Variants in CDC42BPA observed in about 807,000 individuals in gnomAD.
CDC42BPA encodes the protein serine/threonine-protein kinase MRCK alpha.
A neutral mutation model predicts 223.5 loss-of-function variants in CDC42BPA; 80 were observed. The ratio of observed to expected loss-of-function variants is 0.36; its 90% CI spans 0.30 to 0.43. The LOEUF (loss-of-function observed/expected upper bound fraction) is 0.43, where lower values mean the gene tolerates loss of function less well. Ranked by LOEUF, CDC42BPA falls within the 20% of genes least tolerant of loss-of-function variation. The pLI is 1.00. For missense variants in CDC42BPA, 1,743 were observed against 2,099.9 expected, an observed-to-expected ratio of 0.83 and a Z score of 3.32; for synonymous variants, 694 against 718.6, an observed-to-expected ratio of 0.97 and a Z score of 0.55.
At chr1:226,997,622 T>A (rs1661906249) in intron 35 of CDC42BPA, among the ~76,000 whole-genome samples, 1 of 152,254 alleles carries the variant, frequency 6.6e-6, no homozygotes, top group Admixed American at 6.5e-5. Context: ...TTGCTTTAGC[T>A]GTGTCTCAAG....
chr1:227,278,682 G>A (rs60268962), intron 1 of CDC42BPA, among the ~76,000 whole-genome samples: 16,212 of 152,064 alleles, frequency 0.11, 921 homozygotes, highest in African/African-American at 0.14. Flanking sequence ...GGGGTCCTAG[G>A]TCATGAGTTC....
intron 1 of CDC42BPA, among the ~76,000 whole-genome samples, chr1:227,281,676 A>G (rs758924081): frequency 6.9e-6 from 1 of 145,982 alleles, no homozygotes; most frequent in Non-Finnish European, 1.5e-5. Flanking sequence ...CCTCCCAACC[A>G]CTAGCCTGAG....
At chr1:227,104,194 G>T (rs1428749446) in intron 14 of CDC42BPA, among the ~76,000 whole-genome samples, 2 of 151,892 alleles carry the variant, frequency 1.3e-5, no homozygotes, top group Non-Finnish European at 2.9e-5. Context: ...AACTTTTTTG[G>T]CCTCTCGTAT....
At chr1:227,150,689 T>C (rs1351148935) in intron 6 of CDC42BPA, among the ~76,000 whole-genome samples, 1 of 151,920 alleles carries the variant, frequency 6.6e-6, no homozygotes, top group Non-Finnish European at 1.5e-5. Flanking sequence ...GGTGGTTAAT[T>C]GGATAACATA....
intron 3 of CDC42BPA, among the ~76,000 whole-genome samples, chr1:227,207,377 T>A (rs1358380770): frequency 4.7e-5 from 7 of 149,746 alleles, no homozygotes; most frequent in Admixed American, 4.0e-4. Flanking sequence ...CTTTTTTTTT[T>A]ATTATACTTT....
chr1:227,106,981 G>C (rs2149353330), intron 14 of CDC42BPA, among the ~76,000 whole-genome samples: 1 of 152,108 alleles, frequency 6.6e-6, no homozygotes, highest in East Asian at 1.9e-4. Flanking sequence ...AGTAAGTTCT[G>C]AAGTATGACT....
At chr1:227,272,566 A>T (rs1686135264) in intron 1 of CDC42BPA, among the ~76,000 whole-genome samples, 1 of 152,134 alleles carries the variant, frequency 6.6e-6, no homozygotes, top group African/African-American at 2.4e-5. Flanking sequence ...GAACACTATA[A>T]TAGAAAATTG....
At chr1:227,314,775 TA>T (rs1310211301) in intron 1 of CDC42BPA, among the ~76,000 whole-genome samples, 1 of 122,510 alleles carries the variant, frequency 8.2e-6, no homozygotes, top group African/African-American at 3.4e-5. Flanking sequence ...TAAAAGACAA[TA>T]TTTTTTCAAT....
intron 2 of CDC42BPA, among the ~76,000 whole-genome samples, chr1:227,237,836 T>C (rs71648421): frequency 6.6e-6 from 1 of 151,586 alleles, no homozygotes; most frequent in Non-Finnish European, 1.5e-5. Flanking sequence ...AGGTCGGAGT[T>C]AGAGACCAGC....
intron 10 of CDC42BPA, 76 bp from the exon 11 acceptor site, chr1:227,129,307 G>T: frequency 1.9e-6 from 2 of 1,065,436 alleles, no homozygotes; most frequent in Non-Finnish European, 2.7e-6. Context: ...TTATTTTTTT[G>T]GAGAGAAATT....
chr1:227,118,615 T>C (rs1390650735), intron 12 of CDC42BPA, among the ~76,000 whole-genome samples: 1 of 152,076 alleles, frequency 6.6e-6, no homozygotes, highest in Non-Finnish European at 1.5e-5. Context: ...TTCATCCTCT[T>C]TCCAAAGGGT....
intron 3 of CDC42BPA, among the ~76,000 whole-genome samples, chr1:227,205,351 C>T (rs1213245909): frequency 1.4e-5 from 2 of 145,602 alleles, no homozygotes; most frequent in Non-Finnish European, 3.0e-5. Context: ...AAGCTATTAA[C>T]AAAGAATGAG....
At chr1:227,146,802 G>A (rs1033011696) in intron 7 of CDC42BPA, among the ~76,000 whole-genome samples, 2 of 152,064 alleles carry the variant, frequency 1.3e-5, no homozygotes, top group Admixed American at 6.6e-5. Context: ...GACTGAAGTT[G>A]CTCAATCAAA....
At chr1:226,996,336 T>G (rs1661596156) in intron 35 of CDC42BPA, among the ~76,000 whole-genome samples, 1 of 152,248 alleles carries the variant, frequency 6.6e-6, no homozygotes, top group African/African-American at 2.4e-5. Context: ...GAGACTTTGC[T>G]GAAGTTGCTT....
intron 3 of CDC42BPA, among the ~76,000 whole-genome samples, chr1:227,202,475 CATTCTA>C (rs1671954208): frequency 2.0e-5 from 3 of 152,106 alleles, no homozygotes; most frequent in Admixed American, 2.0e-4. Flanking sequence ...ATTTTATAAA[CATTCTA>C]GTTAGAATTT....
rs1669913241 is a variant in CDC42BPA at position 227,034,683 on chromosome 1, C to T, written c.3448G>A (p.Val1150Ile). The T allele has an allele frequency of 1.9e-6, 3 of 1,613,390 alleles. No individual in the cohort carries two copies. The highest frequency in any genetic ancestry group is 2.2e-5 in the East Asian group (1 of 44,846). ...ATGTCAATCACTTGACTAATGACAA[C>T]ACTGGGCTGAGATGCTTTTCCTTCA... ...IAEGKASQPS[V>I]VISQVIDMRD... Residue 1150 changes from valine (V) to isoleucine (I), a missense_variant, in exon 26 of 37, where the codon GTT becomes ATT. Val to Ile is a conservative substitution (Grantham distance 29). Transcript: ENST00000366766.
rs150763842 is a variant in CDC42BPA at position 227,261,373 on chromosome 1, C to T, written c.179-7218G>A. Among the ~76,000 whole-genome samples, 38 of 150,854 alleles carry T rather than the reference C, an allele frequency of 2.5e-4. 1 individual carries two copies. The highest frequency in any genetic ancestry group is 2.5e-3 in the Admixed American group (38 of 15,254). ...TCAGGTGATCTGCCTGCCTTGGCCT[C>T]CCAAAATGCTGGGGTTACAGGCCTG... On this transcript the variant is annotated intron_variant, in intron 1 of 36. Coordinates refer to ENST00000366766, the MANE Select transcript of CDC42BPA (RefSeq NM_001394014.1).
chr1:227,125,602 T>TGAA (rs367953487), intron 11 of CDC42BPA, among the ~76,000 whole-genome samples: 28 of 117,584 alleles, frequency 2.4e-4, no homozygotes, highest in South Asian at 2.0e-3. Flanking sequence ...GTCTACAAAT[T>TGAA]AAAAAAAAAA....
At chr1:227,241,758 C>T (rs1680058215) in intron 2 of CDC42BPA, among the ~76,000 whole-genome samples, 1 of 152,022 alleles carries the variant, frequency 6.6e-6, no homozygotes, top group African/African-American at 2.4e-5. Flanking sequence ...TCCAAAACCT[C>T]AAGGAACTGT....
Sources: gnomAD v4.1 joint callset for allele counts (sites outside exome capture counted in the v4.1 genomes callset) on GRCh38, gnomAD v4.1.1 for gene constraint, MANE v1.5 for transcripts, NCBI Gene and HGNC (gene_info 2026-07-23, HGNC 2026-07-21) for gene names.